The following RICTOR variants were observed in gnomAD, a reference collection of about 807,000 sequenced individuals.
The protein encoded by RICTOR is rapamycin-insensitive companion of mTOR.
In RICTOR, 49 loss-of-function variants were observed where a neutral mutation model predicts 214.9. The ratio of observed to expected loss-of-function variants is 0.23; its 90% CI spans 0.18 to 0.29. RICTOR has a LOEUF of 0.29. Among genes scored for constraint, RICTOR ranks in the 10% least tolerant of loss-of-function variants. RICTOR has a pLI of 1.00. For synonymous variants in RICTOR, 717 were observed against 711.3 expected (o/e 1.01, Z -0.13); for missense variants, 1,625 against 2,047.0 (o/e 0.79, Z 3.98).
intron 3 of RICTOR, among the ~76,000 whole-genome samples, chr5:39,018,363 T>C (rs1346020821): frequency 6.6e-6 from 1 of 152,156 alleles, no homozygotes; most frequent in Middle Eastern, 3.2e-3. Flanking sequence ...GGCACACATA[T>C]GTAGTTACAT....
At chr5:39,002,842 G>C (rs748655411) in intron 4 of RICTOR, among the ~76,000 whole-genome samples, 176 bp from the exon 5 acceptor site, 2 of 152,050 alleles carry the variant, frequency 1.3e-5, no homozygotes, top group African/African-American at 2.4e-5. Flanking sequence ...ATTTCACTTA[G>C]TGTTGTTTTT....
chr5:38,990,647 A>ATATCT (rs1580016794), intron 7 of RICTOR, among the ~76,000 whole-genome samples: 3 of 101,808 alleles, frequency 2.9e-5, no homozygotes, highest in African/African-American at 1.2e-4. Flanking sequence ...GACATATATC[A>ATATCT]GATATATGAT....
chr5:38,958,035 A>T (rs1240288412), intron 24 of RICTOR, among the ~76,000 whole-genome samples: 1 of 152,116 alleles, frequency 6.6e-6, no homozygotes, highest in East Asian at 1.9e-4. Context: ...CAAGAGTTCA[A>T]GACCAGCCTG....
At chr5:39,025,957 A>G (rs1231608237) in intron 2 of RICTOR, among the ~76,000 whole-genome samples, 1 of 152,170 alleles carries the variant, frequency 6.6e-6, no homozygotes, top group Non-Finnish European at 1.5e-5. Flanking sequence ...GCAAGCTGAG[A>G]TTGACATGAT....
intron 32 of RICTOR, 60 bp downstream of exon 32, chr5:38,947,204 A>T: frequency 8.2e-7 from 1 of 1,226,342 alleles, no homozygotes; most frequent in Non-Finnish European, 1.2e-6. Flanking sequence ...GTAAGCAGTT[A>T]CAGCATATGA....
intron 2 of RICTOR, among the ~76,000 whole-genome samples, chr5:39,040,836 G>A (rs921656037): frequency 2.0e-5 from 3 of 152,036 alleles, no homozygotes; most frequent in Non-Finnish European, 2.9e-5. Flanking sequence ...CATATACTGC[G>A]ATAACTGCTA....
chr5:39,033,581 T>C (rs959028824), intron 2 of RICTOR, among the ~76,000 whole-genome samples: 1 of 152,162 alleles, frequency 6.6e-6, no homozygotes, highest in African/African-American at 2.4e-5. Context: ...CCTACTTTTA[T>C]AATAATGATG....
intron 18 of RICTOR, 21 bp downstream of exon 18, chr5:38,962,464 C>A (rs368216578): frequency 3.1e-6 from 4 of 1,303,878 alleles, no homozygotes; most frequent in Non-Finnish European, 4.3e-6. Flanking sequence ...CAAGCCATTA[C>A]CATGAAGTAT....
intron 9 of RICTOR, among the ~76,000 whole-genome samples, chr5:38,977,161 G>C (rs1057373436): frequency 1.3e-4 from 20 of 152,164 alleles, no homozygotes; most frequent in African/African-American, 4.8e-4. Flanking sequence ...GGTGAAAGTA[G>C]GCCCCAGCTG....
At chr5:39,035,561 T>A (rs1756619198) in intron 2 of RICTOR, among the ~76,000 whole-genome samples, 1 of 151,348 alleles carries the variant, frequency 6.6e-6, no homozygotes, top group Non-Finnish European at 1.5e-5. Flanking sequence ...GGCAAAGAAG[T>A]TAAAAACCTT....
Position 38,953,443 on chromosome 5 carries a change from G to T in RICTOR, c.2790+18C>A. On this transcript the variant is annotated intron_variant, in intron 28 of 37. Transcript: ENST00000357387. ...ATCTAAAAATTGCGAAGATCTTACA[G>T]AAGTGTTTATTACAAACCAAGGCCC... 2 of 1,122,044 alleles carry T rather than the reference G, an allele frequency of 1.8e-6. No homozygotes were observed. Among genetic ancestry groups the T allele is most frequent in the Non-Finnish European group, 2.5e-6 (2 of 794,938 alleles). The allele number at this position is 1,122,044 out of a possible 1,614,324, so 69.5% of individuals were successfully genotyped here.
At chr5:38,970,275 A>C (rs1350680275) in intron 11 of RICTOR, 2 of 152,216 alleles carry the variant, frequency 1.3e-5, no homozygotes, top group African/African-American at 2.4e-5. Context: ...TATAAGGCCT[A>C]TATTAGAGAA....
At chr5:39,017,537 C>G (rs993180042) in intron 3 of RICTOR, among the ~76,000 whole-genome samples, 17 of 151,742 alleles carry the variant, frequency 1.1e-4, no homozygotes, top group Non-Finnish European at 2.2e-4. Context: ...TTTTTAAAAG[C>G]TGTTTTTTAA....
In RICTOR at chr5:38,946,463, A is replaced by T. The variant is rs746940101; in HGVS notation, c.4399+5T>A. Reference sequence around the variant, plus strand: ...ATCTCACAAGTACAATGCACAATGCATTACCTCCTGCATCATGGGCAAATG... The same window carrying T: ...ATCTCACAAGTACAATGCACAATGCTTTACCTCCTGCATCATGGGCAAATG... On this transcript the variant is annotated splice_donor_5th_base_variant and intron_variant, in intron 33 of 37. Coordinates refer to ENST00000357387, the MANE Select transcript of RICTOR (RefSeq NM_152756.5). 1 of 1,585,556 alleles carries T rather than the reference A, an allele frequency of 6.3e-7. No homozygotes were observed. The highest frequency in any genetic ancestry group is 8.7e-7 in the Non-Finnish European group (1 of 1,154,082).
rs761011163 is a variant in RICTOR, at chr5:38,967,405, A to G, written c.1083T>C (p.Ser361=). 1.4e-5 allele frequency: 22 copies of G among 1,613,374 alleles called. 1 individual carries two copies. In the Middle Eastern group the frequency reaches 4.9e-4, roughly 36 times the overall value. Residue 361 remains serine (S), a synonymous_variant, in exon 13 of 38, where the codon AGT becomes AGC. Transcript: ENST00000357387. ...CCACAAAGCCATCTGAAAGCCTCCA[A>G]CTGTCTTGGAACCTCCCTGGATCTA... ...LSVDPGRFQD[S]WRLSDGFVAA... is the part of the protein sequence containing the mutation.
In RICTOR at chr5:38,968,673, G is replaced by A. The variant is rs185465894; in HGVS notation, c.973-643C>T. ...GGATCACTTGAGTCGAGGAGTTCGA[G>A]GATGCAGTGAGCTATGATCATTCCA... On this transcript the variant is annotated intron_variant, in intron 11 of 37. Transcript: ENST00000357387. 6.1e-4 allele frequency among the ~76,000 whole-genome samples: 93 copies of A among 151,452 alleles called. 2 individuals carry two copies. In the East Asian group the frequency reaches 0.016, roughly 26 times the overall value.
At chr5:39,060,847 A>C (rs1758493789) in intron 2 of RICTOR, among the ~76,000 whole-genome samples, 2 of 151,982 alleles carry the variant, frequency 1.3e-5, no homozygotes, top group South Asian at 4.1e-4. Context: ...GGGTAAGTGC[A>C]TGGGTTTTAG....
intron 6 of RICTOR, among the ~76,000 whole-genome samples, chr5:38,993,577 T>C (rs576241881): frequency 3.3e-5 from 5 of 152,122 alleles, no homozygotes; most frequent in Non-Finnish European, 2.9e-5. Flanking sequence ...TAATTATTCA[T>C]AGTGTAAGTT....
At chr5:39,039,717 T>C (rs1197577739) in intron 2 of RICTOR, among the ~76,000 whole-genome samples, 1 of 152,154 alleles carries the variant, frequency 6.6e-6, no homozygotes, top group African/African-American at 2.4e-5. Context: ...CATGAAAAAG[T>C]GCTCATCATC....
Sources: allele counts gnomAD v4.1 joint callset (sites outside exome capture counted in the v4.1 genomes callset), GRCh38; gene constraint gnomAD v4.1.1; transcripts MANE v1.5; gene names NCBI Gene and HGNC (gene_info 2026-07-23, HGNC 2026-07-21).